MEI4: variants seen among roughly 807,000 people sequenced by gnomAD.
MEI4 encodes the protein meiotic double-stranded break formation protein 4, also known as meiosis-specific protein MEI4.
MEI4 carries 27 observed loss-of-function variants against 31.4 expected under a neutral mutation model. The ratio of observed to expected loss-of-function variants is 0.86; its 90% confidence interval spans 0.63 to 1.19. The LOEUF (loss-of-function observed/expected upper bound fraction) is 1.19, where lower values mean the gene tolerates loss of function less well. Ranked by LOEUF, MEI4 falls within the 50% of genes most tolerant of loss-of-function variation. The pLI, the probability that MEI4 is intolerant of heterozygous loss-of-function variation, is 0.00. For missense variants in MEI4, 329 were observed against 398.9 expected (o/e 0.82, Z 1.49); for synonymous variants, 122 against 145.4 (o/e 0.84, Z 1.16).
intron 3 of MEI4, among the ~76,000 whole-genome samples, chr6:77,775,155 C>T: frequency 6.6e-6 from 1 of 152,088 alleles, no homozygotes; most frequent in East Asian, 1.9e-4. Context: ...ATCTCAGATT[C>T]TTAATTTAAT....
chr6:77,913,933 C>G (rs935244028), intron 4 of MEI4, among the ~76,000 whole-genome samples: 2 of 150,352 alleles, frequency 1.3e-5, no homozygotes, highest in African/African-American at 4.9e-5. Flanking sequence ...ACTCCAGAGG[C>G]TAAGGCAGGA....
At chr6:77,699,375 G>A (rs924774719) in intron 2 of MEI4, among the ~76,000 whole-genome samples, 21 of 150,738 alleles carry the variant, frequency 1.4e-4, no homozygotes, top group Admixed American at 1.3e-3. Context: ...TGTATTTTTA[G>A]TAGAGATGGG....
At chr6:77,770,084 CT>C (rs1256920735) in intron 3 of MEI4, among the ~76,000 whole-genome samples, 1 of 151,784 alleles carries the variant, frequency 6.6e-6, no homozygotes, top group Non-Finnish European at 1.5e-5. Flanking sequence ...TTTAGCTAGA[CT>C]AAGAGTAAAG....
intron 1 of MEI4, among the ~76,000 whole-genome samples, chr6:77,683,251 TATTA>T (rs1272294721): frequency 3.3e-5 from 5 of 152,142 alleles, no homozygotes; most frequent in Non-Finnish European, 5.9e-5. Context: ...CTTCTTTGTT[TATTA>T]ATTTATTTTT....
chr6:77,733,867 G>C (rs192989651), intron 2 of MEI4, among the ~76,000 whole-genome samples: 9 of 151,954 alleles, frequency 5.9e-5, no homozygotes, highest in Non-Finnish European at 7.3e-5. Context: ...CTTTATTTCT[G>C]CCTTCATTTT....
At chr6:77,837,395 T>A (rs943173533) in intron 4 of MEI4, among the ~76,000 whole-genome samples, 2 of 152,106 alleles carry the variant, frequency 1.3e-5, no homozygotes, top group Admixed American at 1.3e-4. Flanking sequence ...TAAAACCTAG[T>A]TTGTGCAGGA....
chr6:77,914,796 G>C (rs985389727), intron 4 of MEI4, among the ~76,000 whole-genome samples: 3 of 152,044 alleles, frequency 2.0e-5, no homozygotes, highest in African/African-American at 7.2e-5. Flanking sequence ...TCCTATCTTC[G>C]TGGTGTATTG....
At chr6:77,904,993 A>G (rs1581966566) in intron 4 of MEI4, among the ~76,000 whole-genome samples, 1 of 152,140 alleles carries the variant, frequency 6.6e-6, no homozygotes, top group South Asian at 2.1e-4. Context: ...TTTACCAGTG[A>G]GTTTTATACT....
chr6:77,853,123 G>A (rs1285895362), intron 4 of MEI4, among the ~76,000 whole-genome samples: 9 of 152,182 alleles, frequency 5.9e-5, no homozygotes, highest in Non-Finnish European at 1.2e-4. Flanking sequence ...GCTTCAACCC[G>A]CGAGGTGGAG....
chr6:77,882,414 A>G (rs1444731668), intron 4 of MEI4, among the ~76,000 whole-genome samples: 2 of 152,154 alleles, frequency 1.3e-5, no homozygotes, highest in African/African-American at 4.8e-5. Context: ...TGTCATAGTT[A>G]TATTCTTGGA....
chr6:77,766,515 G>T (rs1015241215), intron 3 of MEI4, among the ~76,000 whole-genome samples: 17 of 152,158 alleles, frequency 1.1e-4, no homozygotes, highest in African/African-American at 3.9e-4. Flanking sequence ...CTGGGTTCAC[G>T]CCATTCTCCT....
At chr6:77,727,014 A>G (rs1022790384) in intron 2 of MEI4, among the ~76,000 whole-genome samples, 1 of 152,112 alleles carries the variant, frequency 6.6e-6, no homozygotes, top group Non-Finnish European at 1.5e-5. Flanking sequence ...GGGAAGGGGG[A>G]CATGTGTTTA....
Position 77,772,567 on chromosome 6 carries a change from T to C in MEI4, c.768+10902T>C, listed in dbSNP as rs115017025. Among the ~76,000 whole-genome samples the C allele has an allele frequency of 9.5e-3, 1,440 of 152,034 alleles. 19 individuals are homozygous for C. Among genetic ancestry groups the C allele is most frequent in the African/African-American group, 0.032 (1,338 of 41,490 alleles). On this transcript the variant is annotated intron_variant, in intron 3 of 4. Coordinates refer to ENST00000684080, the MANE Select transcript of MEI4 (RefSeq NM_001322247.2). ...ACTGGATATATTAATAGAAGTAATATACCTCAACAGAATAAAAGCCATATT... is the reference window on the plus strand; with the variant it reads ...ACTGGATATATTAATAGAAGTAATACACCTCAACAGAATAAAAGCCATATT...
chr6:77,668,601 C>A (rs16889294), intron 1 of MEI4, among the ~76,000 whole-genome samples: 1 of 152,038 alleles, frequency 6.6e-6, no homozygotes, highest in Non-Finnish European at 1.5e-5. Context: ...CACTTGGCAG[C>A]CAATGAAGAG....
rs547687580 is a variant in MEI4 at position 77,759,786 on chromosome 6, A to C, written c.233-1344A>C. On this transcript the variant is annotated intron_variant, in intron 2 of 4. Coordinates refer to ENST00000684080, the MANE Select transcript of MEI4 (RefSeq NM_001322247.2). The stretch of plus-strand genomic sequence containing the variant: ...GTTGGGACTAATAGAGGTGCTTTTC[A>C]GTTGATCGCTCAATGTTTTATTATG... Among the ~76,000 whole-genome samples, 118 of 152,238 alleles carry C rather than the reference A, an allele frequency of 7.8e-4. 1 individual carries two copies. Among genetic ancestry groups the C allele is most frequent in the Middle Eastern group, 6.8e-3 (2 of 294 alleles).
intron 4 of MEI4, among the ~76,000 whole-genome samples, chr6:77,831,540 TC>T (rs1770081401): frequency 6.6e-6 from 1 of 150,808 alleles, no homozygotes; most frequent in Non-Finnish European, 1.5e-5. Flanking sequence ...ATAATAATAT[TC>T]CTCTCTCTCT....
intron 4 of MEI4, among the ~76,000 whole-genome samples, chr6:77,855,071 GCT>G (rs1156666379): frequency 6.6e-6 from 1 of 152,092 alleles, no homozygotes; most frequent in Admixed American, 6.6e-5. Flanking sequence ...GGGTGTGGTG[GCT>G]CATACTTGTA....
intron 4 of MEI4, among the ~76,000 whole-genome samples, chr6:77,863,991 G>C (rs1246787757): frequency 6.6e-6 from 1 of 152,102 alleles, no homozygotes; most frequent in Non-Finnish European, 1.5e-5. Context: ...AGCTTCATAA[G>C]TGAAGGAGAA....
In MEI4 at chr6:77,732,229, T is replaced by C. The variant is rs550378612; in HGVS notation, c.233-28901T>C. Among the ~76,000 whole-genome samples the C allele has an allele frequency of 3.9e-5, 6 of 152,034 alleles. No individual in the cohort carries two copies. The South Asian group carries it at 6.2e-4, about 16-fold the overall frequency. On this transcript the variant is annotated intron_variant, in intron 2 of 4. Coordinates refer to ENST00000684080, the MANE Select transcript of MEI4 (RefSeq NM_001322247.2). ...TAAATTACCTTGGGCAGTATGGCCA[T>C]TTTCACGATATTGATTCTTTCTACC... is the stretch of plus-strand genomic sequence containing the variant.
Sources: allele counts gnomAD v4.1 joint callset (sites outside exome capture counted in the v4.1 genomes callset), GRCh38; gene constraint gnomAD v4.1.1; transcripts MANE v1.5; gene names NCBI Gene and HGNC (gene_info 2026-07-23, HGNC 2026-07-21).